BICC1: variants seen among roughly 807,000 people sequenced by gnomAD.
BICC1 encodes the protein BicC family RNA binding protein 1.
In BICC1, 43 loss-of-function variants were observed where a neutral mutation model predicts 111.0. That is an observed-to-expected ratio of 0.39 (90% CI 0.30 to 0.50). The LOEUF is 0.50. Ranked by LOEUF, BICC1 falls within the 20% of genes least tolerant of loss-of-function variation. The probability of loss-of-function intolerance (pLI) is 0.88; values close to 1 mark genes in which losing one functional copy is unlikely to be tolerated. For missense variants in BICC1, 1,091 were observed against 1,203.2 expected (o/e 0.91, Z 1.38); for synonymous variants, 467 against 434.4 (o/e 1.07, Z -0.93).
chr10:58,703,783 G>A (rs527754114), intron 3 of BICC1, among the ~76,000 whole-genome samples: 18 of 152,204 alleles, frequency 1.2e-4, no homozygotes, highest in Middle Eastern at 3.4e-3. Context: ...CTGTTGTCAG[G>A]CATTTTTACT....
At chr10:58,551,268 T>C (rs1843288783) in intron 1 of BICC1, among the ~76,000 whole-genome samples, 1 of 152,194 alleles carries the variant, frequency 6.6e-6, no homozygotes, top group South Asian at 2.1e-4. Flanking sequence ...TATAACATCT[T>C]TGAACAAGAG....
At chr10:58,764,195 C>T (rs2132694377) in intron 3 of BICC1, among the ~76,000 whole-genome samples, 1 of 152,296 alleles carries the variant, frequency 6.6e-6, no homozygotes, top group Admixed American at 6.5e-5. Context: ...CAGTTGCCTA[C>T]ATTAGGCTTT....
At chr10:58,569,289 CTT>C (rs1257337333) in intron 1 of BICC1, among the ~76,000 whole-genome samples, 1 of 152,134 alleles carries the variant, frequency 6.6e-6, no homozygotes. Flanking sequence ...TCTCAAACCT[CTT>C]TAAATTATAC....
chr10:58,558,354 G>C (rs1649057), intron 1 of BICC1, among the ~76,000 whole-genome samples: 1 of 151,706 alleles, frequency 6.6e-6, no homozygotes, highest in Non-Finnish European at 1.5e-5. Context: ...GGTCTCTTTG[G>C]TTTCCAGGCC....
At chr10:58,784,958 G>T in intron 3 of BICC1, 43 bp from the exon 4 acceptor site, 2 of 1,099,342 alleles carry the variant, frequency 1.8e-6, no homozygotes, top group Non-Finnish European at 2.7e-6. Flanking sequence ...ATTTTAAACA[G>T]AGTTTGGGAG....
Position 58,800,937 on chromosome 10 carries a change from C to G in BICC1, c.1906C>G (p.His636Asp). ...AGTAGGCATGCCTCGAAGTCCTTCC[C>G]ATTCTGGGAATGCTGGTGACTTGAA... ...VEVGMPRSPS[H>D]SGNAGDLKQM... Residue 636 changes from histidine (H) to aspartate (D), a missense_variant, in exon 14 of 21, where the codon CAT becomes GAT. Around this residue, in one of 3 missense-constraint regions of BICC1, gnomAD observed 843 missense variants for 900.8 expected, o/e 0.94. Coordinates refer to ENST00000373886, the MANE Select transcript of BICC1 (RefSeq NM_001080512.3). 6.2e-7 allele frequency: 1 copy of G among 1,610,046 alleles called. No individual in the cohort carries two copies. Among genetic ancestry groups the G allele is most frequent in the South Asian group, 1.1e-5 (1 of 90,470 alleles).
Position 58,800,267 on chromosome 10 carries a change from AT to A in BICC1, c.1800del (p.Pro601ArgfsTer28). 6.2e-7 allele frequency: 1 copy of A among 1,613,646 alleles called. No individual in the cohort carries two copies. The highest frequency in any genetic ancestry group is 8.5e-7 in the Non-Finnish European group (1 of 1,179,784). ...GEKVLSANHG[D>X]PSIQTSGSEQ... ...AAAGTGCTGAGTGCAAATCACGGGG[AT>A]CCGTCCATCCAGACAAGTGGGTCTG... On this transcript the variant is annotated frameshift_variant, in exon 13 of 21. Transcript: ENST00000373886. LOFTEE classifies it high-confidence loss of function.
At chr10:58,823,486 GA>G in intron 20 of BICC1, 5 of 984,482 alleles carry the variant, frequency 5.1e-6, no homozygotes, top group African/African-American at 3.5e-5. Context: ...TACTCTCTTA[GA>G]AACTGTATCG....
At chr10:58,681,322 A>G (rs1839512811) in intron 2 of BICC1, among the ~76,000 whole-genome samples, 2 of 152,038 alleles carry the variant, frequency 1.3e-5, no homozygotes, top group Non-Finnish European at 1.5e-5. Context: ...TAATAAGAAA[A>G]TAACTCCATC....
intron 2 of BICC1, among the ~76,000 whole-genome samples, chr10:58,685,758 G>T (rs1217102444): frequency 6.6e-6 from 1 of 152,094 alleles, no homozygotes; most frequent in Non-Finnish European, 1.5e-5. Flanking sequence ...GCCTATGTGT[G>T]TCTCTGCACA....
chr10:58,805,306 C>CAAAAA (rs879492123), intron 15 of BICC1, among the ~76,000 whole-genome samples: 1 of 135,000 alleles, frequency 7.4e-6, no homozygotes, highest in Non-Finnish European at 1.6e-5. Flanking sequence ...AACAAACAAA[C>CAAAAA]AAACAAACAA....
chr10:58,529,238 C>T (rs904745830), intron 1 of BICC1, among the ~76,000 whole-genome samples: 1 of 151,862 alleles, frequency 6.6e-6, no homozygotes, highest in African/African-American at 2.4e-5. Context: ...AGCTATCAAG[C>T]TTCATGTGCC....
At chr10:58,585,934 T>G (rs1844414822) in intron 1 of BICC1, among the ~76,000 whole-genome samples, 1 of 152,196 alleles carries the variant, frequency 6.6e-6, no homozygotes, top group African/African-American at 2.4e-5. Context: ...GCTGGTATTC[T>G]ACACATAAAA....
chr10:58,599,789 C>A (rs1452189374), intron 1 of BICC1, among the ~76,000 whole-genome samples: 2 of 152,038 alleles, frequency 1.3e-5, no homozygotes, highest in East Asian at 3.9e-4. Flanking sequence ...AATTCTGAGA[C>A]CAGTTTTTGT....
intron 4 of BICC1, among the ~76,000 whole-genome samples, chr10:58,786,669 C>CA (rs141830469): frequency 6.6e-6 from 1 of 151,924 alleles, no homozygotes; most frequent in Non-Finnish European, 1.5e-5. Context: ...GACTTCTTTC[C>CA]AAAAAAATTA....
chr10:58,693,655 T>C (rs1438962646), intron 2 of BICC1, among the ~76,000 whole-genome samples: 1 of 152,114 alleles, frequency 6.6e-6, no homozygotes, highest in Non-Finnish European at 1.5e-5. Flanking sequence ...TGCATAAATG[T>C]CTTCTTTTGA....
chr10:58,720,381 T>C (rs1205544311), intron 3 of BICC1, among the ~76,000 whole-genome samples: 1 of 152,248 alleles, frequency 6.6e-6, no homozygotes. Flanking sequence ...TATCTCAGTC[T>C]CTGCCCTTTG....
intron 2 of BICC1, among the ~76,000 whole-genome samples, chr10:58,655,814 G>T (rs1838624040): frequency 6.8e-6 from 1 of 146,124 alleles, no homozygotes; most frequent in African/African-American, 2.5e-5. Context: ...GATATTGGCT[G>T]TGGGTTTGTC....
chr10:58,765,265 A>G (rs537501070), intron 3 of BICC1, among the ~76,000 whole-genome samples: 69 of 151,546 alleles, frequency 4.6e-4, no homozygotes, highest in Non-Finnish European at 7.9e-4. Flanking sequence ...CATGTTGGCC[A>G]GGCTGGTCTC....
Sources: allele counts gnomAD v4.1 joint callset (sites outside exome capture counted in the v4.1 genomes callset), GRCh38; gene constraint gnomAD v4.1.1; regional missense constraint gnomAD v4.1.1; transcripts MANE v1.5; gene names NCBI Gene and HGNC (gene_info 2026-07-23, HGNC 2026-07-21).